The following UBE3D variants were observed in gnomAD, a reference collection of about 807,000 sequenced individuals.
The protein encoded by UBE3D is E3 ubiquitin-protein ligase E3D.
UBE3D carries 48 observed loss-of-function variants against 49.6 expected under a neutral mutation model. The ratio of observed to expected loss-of-function variants is 0.97; its 90% CI spans 0.77 to 1.23. UBE3D has a LOEUF of 1.23. Among genes scored for constraint, UBE3D ranks in the 50% most tolerant of loss-of-function variants. UBE3D has a pLI of 0.00. For missense variants in UBE3D, 452 were observed against 468.4 expected (o/e 0.96, Z 0.32); for synonymous variants, 189 against 174.2 (o/e 1.08, Z -0.67).
intron 5 of UBE3D, among the ~76,000 whole-genome samples, chr6:83,030,634 T>C (rs779227666): frequency 2.0e-5 from 3 of 152,132 alleles, no homozygotes; most frequent in Admixed American, 6.5e-5. Context: ...GCTGCAAGGA[T>C]ACTGGAAAAT....
chr6:82,952,718 G>A (rs892554270), intron 9 of UBE3D, among the ~76,000 whole-genome samples: 1 of 152,130 alleles, frequency 6.6e-6, no homozygotes, highest in African/African-American at 2.4e-5. Context: ...CTACTTTGGA[G>A]CAGAGAAATG....
At chr6:83,001,797 A>G (rs888128747) in intron 8 of UBE3D, among the ~76,000 whole-genome samples, 4 of 152,200 alleles carry the variant, frequency 2.6e-5, no homozygotes, top group Non-Finnish European at 4.4e-5. Context: ...AAGGAAGACC[A>G]TTCTAACAAT....
chr6:82,929,783 C>A (rs1774011590), intron 9 of UBE3D, among the ~76,000 whole-genome samples: 1 of 152,098 alleles, frequency 6.6e-6, no homozygotes. Flanking sequence ...AAGGAAGGTG[C>A]ATAGAATTCC....
chr6:82,954,009 G>C lies in UBE3D; in HGVS notation c.1149+3303C>G, dbSNP rs293520. 1.1e-3 allele frequency among the ~76,000 whole-genome samples: 162 copies of C among 152,044 alleles called. 2 individuals carry two copies. The East Asian group carries it at 0.024, about 23-fold the overall frequency. On this transcript the variant is annotated intron_variant, in intron 9 of 9. Transcript: ENST00000369747. ...CAGATCCTACAGCCAGAACCAGCTC[G>C]TGATAAGGACAGGGAGATAGAGCCA...
chr6:82,914,743 A>G (rs1043898236), intron 9 of UBE3D, among the ~76,000 whole-genome samples: 6 of 152,180 alleles, frequency 3.9e-5, no homozygotes, highest in Admixed American at 1.3e-4. Flanking sequence ...AGAGCCCCTT[A>G]TCTACTGCTG....
chr6:83,019,479 T>C (rs1353969994), intron 7 of UBE3D, among the ~76,000 whole-genome samples: 1 of 152,086 alleles, frequency 6.6e-6, no homozygotes, highest in African/African-American at 2.4e-5. Flanking sequence ...AAATGATAAA[T>C]AAACATATAT....
intron 8 of UBE3D, among the ~76,000 whole-genome samples, chr6:82,966,649 C>CAAA (rs1204365470): frequency 8.0e-4 from 20 of 24,994 alleles, no homozygotes; most frequent in South Asian, 1.3e-3. Context: ...GACTCCGTCT[C>CAAA]AAAAAAAAAA....
At chr6:82,949,178 G>A (rs983363579) in intron 9 of UBE3D, among the ~76,000 whole-genome samples, 1 of 151,758 alleles carries the variant, frequency 6.6e-6, no homozygotes, top group African/African-American at 2.4e-5. Context: ...AAGTTGCGGG[G>A]GACAAAATGA....
At chr6:82,977,113 C>CAAAAAAAAAAAAAAAAAAAAAAAAAAAA (rs58424434) in intron 8 of UBE3D, among the ~76,000 whole-genome samples, 1 of 42,582 alleles carries the variant, frequency 2.3e-5, no homozygotes, top group Non-Finnish European at 3.7e-5. Context: ...GACTCCATCT[C>CAAAAAAAAAAAAAAAAAAAAAAAAAAAA]AAAAAAAAAA....
chr6:83,045,453 A>G (rs552209949), intron 3 of UBE3D, among the ~76,000 whole-genome samples: 3 of 152,156 alleles, frequency 2.0e-5, no homozygotes, highest in African/African-American at 7.2e-5. Context: ...ATTAGTGACT[A>G]TTTTCCAGGG....
the UBE3D span, among the ~76,000 whole-genome samples, chr6:82,881,868 T>C: frequency 1.3e-5 from 2 of 152,206 alleles, no homozygotes; most frequent in Admixed American, 1.3e-4. Flanking sequence ...CTAAAGTATC[T>C]TCTGTATAAT....
Position 83,033,214 on chromosome 6 carries a change from A to T in UBE3D, c.667+5202T>A, listed in dbSNP as rs946012715. On this transcript the variant is annotated intron_variant, in intron 5 of 9. Coordinates refer to ENST00000369747, the MANE Select transcript of UBE3D (RefSeq NM_198920.3). ...TTTTAAAAAACCAGATCTCATAGGCATTCCCTCATGATCATGAGGACAGCA... is the reference window on the plus strand; with the variant it reads ...TTTTAAAAAACCAGATCTCATAGGCTTTCCCTCATGATCATGAGGACAGCA... Among the ~76,000 whole-genome samples, 5 of 152,282 alleles carry T rather than the reference A, an allele frequency of 3.3e-5. No individual in the cohort carries two copies. In the South Asian group the frequency reaches 1.0e-3, roughly 32 times the overall value.
intron 8 of UBE3D, among the ~76,000 whole-genome samples, chr6:82,979,276 T>C (rs1777946405): frequency 6.6e-6 from 1 of 152,188 alleles, no homozygotes. Context: ...ACTATTATCA[T>C]TAGTGCTTCT....
chr6:82,958,543 G>A (rs966065778), intron 8 of UBE3D, among the ~76,000 whole-genome samples: 5 of 152,148 alleles, frequency 3.3e-5, no homozygotes, highest in Non-Finnish European at 7.3e-5. Flanking sequence ...ACAAGTCATG[G>A]CAAATGGTTT....
intron 9 of UBE3D, among the ~76,000 whole-genome samples, chr6:82,937,001 A>T (rs1056655167): frequency 6.6e-6 from 1 of 152,174 alleles, no homozygotes; most frequent in Non-Finnish European, 1.5e-5. Context: ...AAGGAGCCCA[A>T]TCATATCTTC....
chr6:83,060,671 C>G (rs1309257691), intron 1 of UBE3D, among the ~76,000 whole-genome samples: 2 of 152,134 alleles, frequency 1.3e-5, no homozygotes, highest in African/African-American at 4.8e-5. Context: ...AGTAAAATGA[C>G]TACATCCAGG....
intron 8 of UBE3D, among the ~76,000 whole-genome samples, chr6:82,977,720 C>T (rs1777827756): frequency 6.6e-6 from 1 of 152,052 alleles, no homozygotes; most frequent in Non-Finnish European, 1.5e-5. Context: ...CGCTTGTAAT[C>T]CCAGCTACTC....
chr6:83,024,094 G>T, intron 5 of UBE3D, 56 bp from the exon 6 acceptor site: 1 of 960,316 alleles, frequency 1.0e-6, no homozygotes, highest in Admixed American at 2.8e-5. Flanking sequence ...ATTTTATTGT[G>T]GGCAAGTTGA....
chr6:82,886,761 T>G, the UBE3D span, among the ~76,000 whole-genome samples: 1 of 152,246 alleles, frequency 6.6e-6, no homozygotes, highest in Non-Finnish European at 1.5e-5. Context: ...TTTCTCATGA[T>G]ATCAACAATA....
Sources: gnomAD v4.1 joint callset for allele counts (sites outside exome capture counted in the v4.1 genomes callset) on GRCh38, gnomAD v4.1.1 for gene constraint, MANE v1.5 for transcripts, NCBI Gene and HGNC (gene_info 2026-07-23, HGNC 2026-07-21) for gene names.